The following PCDHGA1 variants were observed in gnomAD, a reference collection of about 807,000 sequenced individuals.
PCDHGA1 encodes the protein protocadherin gamma-A1.
Under a neutral mutation model 58.0 loss-of-function variants are expected in PCDHGA1, and 32 were observed. The observed-to-expected ratio is 0.55, with a 90% CI of 0.42 to 0.74. The LOEUF is 0.74. Ranked by LOEUF, PCDHGA1 falls within the 30% of genes least tolerant of loss-of-function variation. PCDHGA1 has a pLI of 0.00. For synonymous variants in PCDHGA1, 498 were observed against 501.1 expected (o/e 0.99, Z 0.08); for missense variants, 1,205 against 1,182.3 (o/e 1.02, Z -0.28).
At position 141,490,551 on chromosome 5, in the gene PCDHGA1, T is replaced by C; in HGVS notation, c.2422-4256T>C. On this transcript the variant is annotated intron_variant, in intron 1 of 3. Coordinates refer to ENST00000517417, the MANE Select transcript of PCDHGA1 (RefSeq NM_018912.3). The surrounding 1 kb of genome is among the most constrained non-coding windows in gnomAD (Gnocchi z 5.4). ...CTGGTTCACCTTCCCTACACAAACA[T>C]CTCACCATCAGGCTCAACATTTCAG... 1 of 1,614,088 alleles carries C rather than the reference T, an allele frequency of 6.2e-7. No individual in the cohort carries two copies. The highest frequency in any genetic ancestry group is 1.1e-5 in the South Asian group (1 of 91,086).
chr5:141,371,736 A>T (rs777064173), intron 1 of PCDHGA1: 4 of 1,614,042 alleles, frequency 2.5e-6, no homozygotes, highest in Non-Finnish European at 3.4e-6. Context: ...TGTCAACGAC[A>T]ACGTTCCCGT....
intron 1 of PCDHGA1, among the ~76,000 whole-genome samples, chr5:141,336,710 T>C (rs1170311436): frequency 6.6e-6 from 1 of 152,182 alleles, no homozygotes; most frequent in Non-Finnish European, 1.5e-5. Flanking sequence ...GAGGAAACCT[T>C]CATAACATTG....
intron 1 of PCDHGA1, among the ~76,000 whole-genome samples, chr5:141,456,538 A>T (rs1010588747): frequency 7.2e-5 from 11 of 152,184 alleles, no homozygotes; most frequent in Admixed American, 3.3e-4. Context: ...TTAAAGAGGG[A>T]TTGTAGCCAC....
chr5:141,350,754 A>C (rs1292480498), intron 1 of PCDHGA1: 4 of 1,613,822 alleles, frequency 2.5e-6, no homozygotes, highest in East Asian at 4.5e-5. Flanking sequence ...AATTCACTGA[A>C]GTTATACACC....
At chr5:141,376,530 G>T (rs200613052) in intron 1 of PCDHGA1, 35 of 1,613,550 alleles carry the variant, frequency 2.2e-5, no homozygotes, top group Non-Finnish European at 2.8e-5. Flanking sequence ...CCGCCTAAGC[G>T]GGAAGAGTAA....
intron 1 of PCDHGA1, chr5:141,414,969 G>A (rs764972439): frequency 7.4e-6 from 12 of 1,613,954 alleles, no homozygotes; most frequent in South Asian, 1.1e-5. Context: ...TGGTGGCGGT[G>A]GACAGAGACT....
Position 141,330,832 on chromosome 5 carries a change from A to G in PCDHGA1, c.148A>G (p.Lys50Glu). ...DKGSFVGNIA[K>E]DLGLQPQELA... ...AGGTTCCTTCGTAGGCAACATCGCC[A>G]AGGACCTAGGGCTGCAACCCCAGGA... The change falls in exon 1 of 4, where the codon AAG becomes GAG. Residue 50 changes from lysine (K) to glutamate (E), a missense_variant. By Grantham distance (56) the Lys-to-Glu change is moderately conservative (BLOSUM62 1). Coordinates refer to ENST00000517417, the MANE Select transcript of PCDHGA1 (RefSeq NM_018912.3). The G allele has an allele frequency of 6.2e-7, 1 of 1,614,206 alleles. No individual in the cohort carries two copies. The highest frequency in any genetic ancestry group is 8.5e-7 in the Non-Finnish European group (1 of 1,180,040).
At chr5:141,426,538 C>T (rs1038881219) in intron 1 of PCDHGA1, 2 of 346,308 alleles carry the variant, frequency 5.8e-6, no homozygotes, top group Non-Finnish European at 1.2e-5. Context: ...TGGGAACATA[C>T]TTGTGAGTGA....
At chr5:141,404,391 A>C (rs773558298) in intron 1 of PCDHGA1, 1 of 1,613,924 alleles carries the variant, frequency 6.2e-7, no homozygotes, top group South Asian at 1.1e-5. Context: ...TATGACCCTG[A>C]TAGCAATGAG....
At chr5:141,375,990 A>T (rs1451403518) in intron 1 of PCDHGA1, 1 of 1,613,398 alleles carries the variant, frequency 6.2e-7, no homozygotes, top group African/African-American at 1.3e-5. Flanking sequence ...CTGGACAGAG[A>T]CGCGCTCAAG....
intron 1 of PCDHGA1, chr5:141,441,038 G>A (rs1263659082): frequency 6.6e-6 from 1 of 152,156 alleles, no homozygotes; most frequent in African/African-American, 2.4e-5. Context: ...AAAACTTTAA[G>A]TACATTGGAC....
At chr5:141,497,354 A>G (rs1430368474) in intron 2 of PCDHGA1, among the ~76,000 whole-genome samples, 1 of 152,054 alleles carries the variant, frequency 6.6e-6, no homozygotes, top group Non-Finnish European at 1.5e-5. Flanking sequence ...AGCCCCACCA[A>G]CTGCCTCTCA....
At chr5:141,375,619 G>C in intron 1 of PCDHGA1, 1 of 1,614,216 alleles carries the variant, frequency 6.2e-7, no homozygotes, top group Non-Finnish European at 8.5e-7. Flanking sequence ...CCGACACTGG[G>C]ATTCTGTACG....
At position 141,485,120 on chromosome 5, in the gene PCDHGA1, G is replaced by T; in HGVS notation, c.2422-9687G>T. The T allele has an allele frequency of 7.4e-7, 1 of 1,348,050 alleles. No individual in the cohort carries two copies. Among genetic ancestry groups the T allele is most frequent in the Non-Finnish European group, 1.0e-6 (1 of 952,710 alleles). 83.5% of individuals were successfully genotyped at this position (1,348,050 alleles called of 1,614,324 possible). On this transcript the variant is annotated intron_variant, in intron 1 of 3. Transcript: ENST00000517417. The surrounding 1 kb of genome is among the most constrained non-coding windows in gnomAD (Gnocchi z 5.7). ...TCCAGCTGCTGTGGCTGTTTGGGGC[G>T]GGTCGGCTTCATCCGCGTCTCAGGA...
chr5:141,478,822 T>A, intron 1 of PCDHGA1: 2 of 1,444,070 alleles, frequency 1.4e-6, no homozygotes, highest in South Asian at 1.5e-5. Context: ...AACTAACCAA[T>A]CTTGCTAAGG....
chr5:141,466,769 T>C (rs760924688), intron 1 of PCDHGA1, among the ~76,000 whole-genome samples: 1 of 152,198 alleles, frequency 6.6e-6, no homozygotes, highest in African/African-American at 2.4e-5. Flanking sequence ...CAAACTGTTA[T>C]CTTATTCTTC....
Position 141,511,015 on chromosome 5 carries a change from C to T in PCDHGA1, c.2638C>T (p.Pro880Ser), listed in dbSNP as rs1430257603. The T allele has an allele frequency of 1.2e-6, 2 of 1,614,106 alleles. No homozygotes were observed. The highest frequency in any genetic ancestry group is 1.3e-5 in the African/African-American group (1 of 74,936). The stretch of plus-strand genomic sequence containing the variant: ...CATGGGATTGAGCGCCCGCTACGGA[C>T]CCCAGTTCACCCTGCAGCACGTGCC... ...GTMGLSARYG[P>S]QFTLQHVPDY... Residue 880 changes from proline (P) to serine (S), a missense_variant, in exon 4 of 4, where the codon CCC (proline) becomes TCC (serine). Coordinates refer to ENST00000517417, the MANE Select transcript of PCDHGA1 (RefSeq NM_018912.3).
chr5:141,435,807 T>A (rs2097781241), intron 1 of PCDHGA1, among the ~76,000 whole-genome samples: 1 of 152,040 alleles, frequency 6.6e-6, no homozygotes, highest in South Asian at 2.1e-4. Context: ...CCCAATTATT[T>A]TTTCTTTCTT....
At chr5:141,422,934 C>T in intron 1 of PCDHGA1, 1 of 1,614,254 alleles carries the variant, frequency 6.2e-7, no homozygotes, top group Non-Finnish European at 8.5e-7. Context: ...CTGCCCTCCC[C>T]ACAGACGGCT....
Sources: gnomAD v4.1 joint callset for allele counts (sites outside exome capture counted in the v4.1 genomes callset) on GRCh38, gnomAD v4.1.1 for gene constraint, Gnocchi (gnomAD v3.1) non-coding constraint, MANE v1.5 for transcripts, NCBI Gene and HGNC (gene_info 2026-07-23, HGNC 2026-07-21) for gene names.